The following ADAMTSL1 variants were observed in gnomAD, a reference collection of about 807,000 sequenced individuals.
ADAMTSL1 encodes ADAMTS like 1.
ADAMTSL1 carries 126 observed loss-of-function variants against 201.8 expected under a neutral mutation model. The observed-to-expected ratio is 0.62, with a 90% CI of 0.54 to 0.72. The LOEUF (loss-of-function observed/expected upper bound fraction) is 0.72. Among genes scored for constraint, ADAMTSL1 ranks in the 30% least tolerant of loss-of-function variants. ADAMTSL1 has a pLI of 0.00. For missense variants in ADAMTSL1, 2,679 were observed against 2,277.8 expected, an observed-to-expected ratio of 1.18 and a Z score of -3.59; for synonymous variants, 1,121 against 903.4, an observed-to-expected ratio of 1.24 and a Z score of -4.32.
chr9:18,107,774 G>C (rs1824822136), intron 1 of ADAMTSL1, among the ~76,000 whole-genome samples: 1 of 152,192 alleles, frequency 6.6e-6, no homozygotes, highest in African/African-American at 2.4e-5. Flanking sequence ...ATGTCAAACT[G>C]CATGCCTGAA....
Position 18,010,090 on chromosome 9 carries a change from G to T in ADAMTSL1, c.87+103168G>T, listed in dbSNP as rs373126142. 3.9e-5 allele frequency among the ~76,000 whole-genome samples: 6 copies of T among 152,078 alleles called. No individual in the cohort carries two copies. In the East Asian group the frequency reaches 9.7e-4, roughly 25 times the overall value. ...TGTGTGTGGTTAAATTACCCATGGGGGCAGTCTAGAATACCAATCACTGTA... is the reference window on the plus strand; with the variant it reads ...TGTGTGTGGTTAAATTACCCATGGGTGCAGTCTAGAATACCAATCACTGTA... On this transcript the variant is annotated intron_variant, in intron 1 of 29. Transcript: ENST00000680146.
chr9:18,026,758 G>T (rs1186289236), intron 1 of ADAMTSL1, among the ~76,000 whole-genome samples: 2 of 151,858 alleles, frequency 1.3e-5, no homozygotes, highest in Non-Finnish European at 2.9e-5. Flanking sequence ...CTCAATTTTT[G>T]GGAATAGTTT....
intron 4 of ADAMTSL1, among the ~76,000 whole-genome samples, chr9:18,578,323 C>T (rs931706426): frequency 3.9e-5 from 6 of 152,198 alleles, no homozygotes; most frequent in African/African-American, 1.4e-4. Context: ...CCCTCTCTCC[C>T]TCCTAGATTC....
intron 2 of ADAMTSL1, among the ~76,000 whole-genome samples, chr9:18,240,550 C>A (rs553431908): frequency 2.0e-5 from 3 of 152,038 alleles, no homozygotes; most frequent in Admixed American, 2.0e-4. Context: ...CTCTATTAAC[C>A]CATAACAAGA....
chr9:18,493,738 A>G (rs1822378921), intron 1 of ADAMTSL1, among the ~76,000 whole-genome samples: 1 of 152,218 alleles, frequency 6.6e-6, no homozygotes, highest in African/African-American at 2.4e-5. Context: ...CAGCTTCTGC[A>G]TACATTTTTT....
intron 21 of ADAMTSL1, among the ~76,000 whole-genome samples, chr9:18,822,529 G>C (rs954603580): frequency 6.6e-6 from 1 of 152,184 alleles, no homozygotes; most frequent in Admixed American, 6.5e-5. Context: ...AGGTATCTCA[G>C]TTTGAATCCC....
intron 1 of ADAMTSL1, among the ~76,000 whole-genome samples, chr9:17,934,234 TC>T (rs1342251445): frequency 6.6e-6 from 1 of 152,112 alleles, no homozygotes; most frequent in Non-Finnish European, 1.5e-5. Flanking sequence ...ATAAGGTAAT[TC>T]CCCCATAAAC....
intron 5 of ADAMTSL1, among the ~76,000 whole-genome samples, chr9:18,626,977 T>TTC (rs1198408959): frequency 6.6e-5 from 10 of 151,360 alleles, no homozygotes; most frequent in Admixed American, 2.6e-4. Flanking sequence ...CTTTCTTTCT[T>TTC]CTTTTTTTCT....
intron 23 of ADAMTSL1, among the ~76,000 whole-genome samples, chr9:18,842,378 T>C (rs1825777311): frequency 6.6e-6 from 1 of 152,228 alleles, no homozygotes; most frequent in East Asian, 1.9e-4. Context: ...TGAGTTCTAG[T>C]TTGATTGCAC....
At chr9:18,489,963 A>G (rs870019) in intron 1 of ADAMTSL1, among the ~76,000 whole-genome samples, 5,917 of 152,302 alleles carry the variant, frequency 0.039, 378 homozygotes, top group African/African-American at 0.13. Flanking sequence ...TATGAGGATC[A>G]AATAAGTACG....
intron 2 of ADAMTSL1, among the ~76,000 whole-genome samples, chr9:18,441,002 A>T (rs1369230519): frequency 6.6e-6 from 1 of 152,194 alleles, no homozygotes; most frequent in Non-Finnish European, 1.5e-5. Flanking sequence ...GGAATGAAGC[A>T]CTGATTTATG....
At chr9:18,431,597 C>G (rs1472407450) in intron 2 of ADAMTSL1, among the ~76,000 whole-genome samples, 1 of 152,164 alleles carries the variant, frequency 6.6e-6, no homozygotes, top group Non-Finnish European at 1.5e-5. Context: ...CTGGAATCCT[C>G]TTTGCTACAT....
intron 1 of ADAMTSL1, among the ~76,000 whole-genome samples, chr9:18,476,509 C>T (rs1239259138): frequency 1.3e-5 from 2 of 152,100 alleles, no homozygotes; most frequent in Non-Finnish European, 2.9e-5. Flanking sequence ...GTTAAACTTG[C>T]TCATTAACTG....
At chr9:18,059,140 G>C (rs1322797399) in intron 1 of ADAMTSL1, among the ~76,000 whole-genome samples, 2 of 152,122 alleles carry the variant, frequency 1.3e-5, no homozygotes, top group Admixed American at 1.3e-4. Context: ...GTGCTGCAAT[G>C]ATTTGGAGGG....
chr9:18,707,189 A>G (rs1228786183), intron 14 of ADAMTSL1, 141 bp downstream of exon 14: 12 of 1,104,424 alleles, frequency 1.1e-5, no homozygotes, highest in Non-Finnish European at 1.1e-5. Flanking sequence ...CTAAATGTAA[A>G]GCACACTGAA....
In ADAMTSL1 at chr9:18,853,918, T is replaced by TGTGTGTGTGTGTGTGTGTGC. The variant is rs139332733; in HGVS notation, c.4249+23942_4249+23943insTGTGTGTGTGTGTGTGTGCG. Reference sequence around the variant, plus strand: ...GTGTGTGTGTGTGTGTGTGTGTGTGTGCGCGTGCATGCAAATAGTTGATTA... The same window carrying TGTGTGTGTGTGTGTGTGTGC: ...GTGTGTGTGTGTGTGTGTGTGTGTGTGTGTGTGTGTGTGTGTGTGCGCGCGTGCATGCAAATAGTTGATTA... On this transcript the variant is annotated intron_variant, in intron 23 of 28. Coordinates refer to ENST00000380548, the MANE Select transcript of ADAMTSL1 (RefSeq NM_001040272.6). Among the ~76,000 whole-genome samples the TGTGTGTGTGTGTGTGTGTGC allele has an allele frequency of 1.4e-3, 210 of 145,478 alleles. 3 individuals are homozygous for TGTGTGTGTGTGTGTGTGTGC. The highest frequency in any genetic ancestry group is 5.0e-3 in the African/African-American group (202 of 40,034).
At position 18,853,581 on chromosome 9, in the gene ADAMTSL1, C is replaced by T. The variant is rs114124445; in HGVS notation, c.4249+23604C>T. 1.3e-3 allele frequency among the ~76,000 whole-genome samples: 202 copies of T among 152,274 alleles called. 1 individual carries two copies. Among genetic ancestry groups the T allele is most frequent in the African/African-American group, 4.7e-3 (196 of 41,558 alleles). ...TTCAGGCTCCTCTCATCCTCCTAAC[C>T]TTGTGGTGGTCTTTCATTAACTTTG... On this transcript the variant is annotated intron_variant, in intron 23 of 28. Transcript: ENST00000380548.
At chr9:18,324,572 C>G (rs1273491909) in intron 2 of ADAMTSL1, among the ~76,000 whole-genome samples, 1 of 152,052 alleles carries the variant, frequency 6.6e-6, no homozygotes, top group Non-Finnish European at 1.5e-5. Flanking sequence ...TGAAACCAGC[C>G]TGACCAACAC....
At chr9:18,511,858 T>C (rs113526334) in intron 2 of ADAMTSL1, among the ~76,000 whole-genome samples, 1,778 of 152,302 alleles carry the variant, frequency 0.012, 29 homozygotes, top group African/African-American at 0.04. Flanking sequence ...TTTTTTTCTC[T>C]AAAAGACATC....
Sources: allele counts gnomAD v4.1 joint callset (sites outside exome capture counted in the v4.1 genomes callset), GRCh38; gene constraint gnomAD v4.1.1; transcripts MANE v1.5; gene names NCBI Gene and HGNC (gene_info 2026-07-23, HGNC 2026-07-21).